The following ULK4 variants were observed in gnomAD, a reference collection of about 807,000 sequenced individuals.
ULK4 encodes the protein unc-51 like kinase 4.
A neutral mutation model predicts 160.6 loss-of-function variants in ULK4; 133 were observed. The observed-to-expected ratio is 0.83, with a 90% CI of 0.72 to 0.96. The LOEUF (loss-of-function observed/expected upper bound fraction) is 0.96, where lower values mean the gene tolerates loss of function less well. ULK4 is among the 40% of genes least tolerant of loss of function. ULK4 has a pLI of 0.00. For synonymous variants in ULK4, 534 were observed against 539.8 expected, an observed-to-expected ratio of 0.99 and a Z score of 0.15; for missense variants, 1,580 against 1,499.5, an observed-to-expected ratio of 1.05 and a Z score of -0.89.
chr3:41,697,777 C>G (rs1415338233), intron 27 of ULK4, among the ~76,000 whole-genome samples: 1 of 152,104 alleles, frequency 6.6e-6, no homozygotes, highest in Non-Finnish European at 1.5e-5. Flanking sequence ...ATGTGAGCCT[C>G]TGTGCCAGAC....
At chr3:41,516,162 T>C (rs2085740695) in intron 32 of ULK4, among the ~76,000 whole-genome samples, 1 of 152,204 alleles carries the variant, frequency 6.6e-6, no homozygotes, top group Non-Finnish European at 1.5e-5. Flanking sequence ...GTCTTGAATC[T>C]ATTAGAAATA....
intron 22 of ULK4, among the ~76,000 whole-genome samples, chr3:41,721,362 A>ATATTTTT (rs1553639902): frequency 3.6e-5 from 1 of 27,936 alleles, no homozygotes; most frequent in African/African-American, 1.9e-4. Context: ...ATATATATAT[A>ATATTTTT]TTTTTTTTTT....
chr3:41,540,953 GC>G (rs1352373923), intron 32 of ULK4, among the ~76,000 whole-genome samples: 1 of 152,138 alleles, frequency 6.6e-6, no homozygotes, highest in Non-Finnish European at 1.5e-5. Flanking sequence ...CAGATAGAGT[GC>G]AAAAATTTTC....
intron 32 of ULK4, among the ~76,000 whole-genome samples, chr3:41,535,323 G>A (rs2086461141): frequency 6.6e-6 from 1 of 152,178 alleles, no homozygotes; most frequent in African/African-American, 2.4e-5. Flanking sequence ...AAAATAATGT[G>A]TACCTCAGAA....
intron 35 of ULK4, among the ~76,000 whole-genome samples, chr3:41,378,027 T>C (rs1239067855): frequency 1.3e-5 from 2 of 151,678 alleles, no homozygotes; most frequent in African/African-American, 4.8e-5. Context: ...ATATACACCA[T>C]GGAATACTAT....
intron 17 of ULK4, among the ~76,000 whole-genome samples, chr3:41,847,954 C>A (rs138966794): frequency 6.6e-6 from 1 of 152,312 alleles, no homozygotes; most frequent in Admixed American, 6.5e-5. Context: ...GAATAAAATT[C>A]TGTTCTGTAA....
In ULK4 at chr3:41,285,727, T is replaced by A. The variant is rs1382937873; in HGVS notation, c.3679-36153A>T. ...TAACTAAATATCACCTGTACCCCAA[T>A]AACCTATGGAAAAATTAAAAACAAA... is the stretch of plus-strand genomic sequence containing the variant. On this transcript the variant is annotated intron_variant, in intron 35 of 36. Coordinates refer to ENST00000301831, the MANE Select transcript of ULK4 (RefSeq NM_017886.4). 2.0e-5 allele frequency among the ~76,000 whole-genome samples: 3 copies of A among 152,260 alleles called. No individual in the cohort carries two copies. In the East Asian group the frequency reaches 5.8e-4, roughly 29 times the overall value.
chr3:41,375,925 C>T (rs149856039), intron 35 of ULK4, among the ~76,000 whole-genome samples: 1,833 of 149,842 alleles, frequency 0.012, 37 homozygotes, highest in Non-Finnish European at 0.018. Flanking sequence ...GGAACTTAAA[C>T]AAATTTACGA....
At chr3:41,249,442 G>T in intron 36 of ULK4, 47 bp downstream of exon 36, 1 of 1,549,740 alleles carries the variant, frequency 6.5e-7, no homozygotes, top group Non-Finnish European at 8.8e-7. Flanking sequence ...GGCTGAGAGT[G>T]TGTGCTGATC....
At chr3:41,576,908 C>T (rs2088208649) in intron 31 of ULK4, among the ~76,000 whole-genome samples, 1 of 152,118 alleles carries the variant, frequency 6.6e-6, no homozygotes, top group Admixed American at 6.5e-5. Flanking sequence ...GATAACTGCT[C>T]ACAAACATAA....
At chr3:41,765,124 C>A (rs578121944) in intron 21 of ULK4, among the ~76,000 whole-genome samples, 1 of 152,070 alleles carries the variant, frequency 6.6e-6, no homozygotes, top group South Asian at 2.1e-4. Context: ...TTTATTGAGG[C>A]GCTATTCACA....
chr3:41,277,204 T>C (rs1169693156), intron 35 of ULK4, among the ~76,000 whole-genome samples: 1 of 152,176 alleles, frequency 6.6e-6, no homozygotes, highest in Non-Finnish European at 1.5e-5. Context: ...CTTTTGACAC[T>C]ATCCCACAAG....
intron 35 of ULK4, among the ~76,000 whole-genome samples, chr3:41,317,321 TGCCTCG>T (rs2080164723): frequency 6.6e-6 from 1 of 152,046 alleles, no homozygotes. Context: ...ATGATCCACC[TGCCTCG>T]GCCTCCCAAA....
intron 34 of ULK4, among the ~76,000 whole-genome samples, chr3:41,448,264 C>T (rs943832754): frequency 6.6e-6 from 1 of 152,066 alleles, no homozygotes; most frequent in Admixed American, 6.6e-5. Context: ...GTCTGAGGCA[C>T]GCTAAACCAG....
chr3:41,846,792 G>C (rs748416859), intron 17 of ULK4, among the ~76,000 whole-genome samples: 1 of 136,768 alleles, frequency 7.3e-6, no homozygotes, highest in South Asian at 2.2e-4. Context: ...GCGACAGAGC[G>C]AGACTCTCTC....
intron 21 of ULK4, among the ~76,000 whole-genome samples, chr3:41,773,227 C>G (rs1244465643): frequency 6.6e-6 from 1 of 152,124 alleles, no homozygotes; most frequent in African/African-American, 2.4e-5. Context: ...CCAGGGCAAT[C>G]AGGCAGGAGA....
intron 32 of ULK4, among the ~76,000 whole-genome samples, chr3:41,464,815 G>T (rs180965270): frequency 9.2e-4 from 140 of 152,290 alleles, no homozygotes; most frequent in Non-Finnish European, 1.4e-3. Context: ...TTCTTTAGGA[G>T]GCAGAGGTGG....
At chr3:41,416,492 A>G (rs2082530059) in intron 34 of ULK4, among the ~76,000 whole-genome samples, 1 of 152,174 alleles carries the variant, frequency 6.6e-6, no homozygotes, top group Admixed American at 6.5e-5. Context: ...TGATTTTTCA[A>G]CTGCTATACC....
intron 34 of ULK4, among the ~76,000 whole-genome samples, chr3:41,435,021 G>A (rs777049352): frequency 4.6e-5 from 7 of 152,170 alleles, no homozygotes; most frequent in Non-Finnish European, 1.0e-4. Context: ...TACATGAAAT[G>A]TGAGTTTCCT....
Sources: allele counts gnomAD v4.1 joint callset (sites outside exome capture counted in the v4.1 genomes callset), GRCh38; gene constraint gnomAD v4.1.1; transcripts MANE v1.5; gene names NCBI Gene and HGNC (gene_info 2026-07-23, HGNC 2026-07-21).